The following CBX2 variants were observed in gnomAD, a reference collection of about 807,000 sequenced individuals.
CBX2 encodes chromobox protein homolog 2.
A neutral mutation model predicts 21.0 loss-of-function variants in CBX2; 11 were observed. The ratio of observed to expected loss-of-function variants is 0.52; its 90% confidence interval spans 0.33 to 0.87. CBX2 has a LOEUF of 0.87. Among genes scored for constraint, CBX2 ranks in the 40% least tolerant of loss-of-function variants. The probability of loss-of-function intolerance (pLI) is 0.02; values close to 1 mark genes in which losing one functional copy is unlikely to be tolerated. For missense variants in CBX2, 746 were observed against 724.3 expected (o/e 1.03, Z -0.34); for synonymous variants, 364 against 304.6 (o/e 1.19, Z -2.03).
rs1239718452 is a variant in CBX2, at chr17:79,787,339, CT to C, written c.*2298del. ...CCAGATTCCTCCCCAGCAGCCGGGT[CT>C]CTCCAGACCCTGATTCGGTGCCTTT... On this transcript the variant is annotated 3_prime_UTR_variant, in exon 5 of 5. Coordinates refer to ENST00000310942, the MANE Select transcript of CBX2 (RefSeq NM_005189.3). 1 of 152,700 alleles carries C rather than the reference CT, an allele frequency of 6.5e-6. No individual in the cohort carries two copies. Among genetic ancestry groups the C allele is most frequent in the Non-Finnish European group, 1.5e-5 (1 of 68,062 alleles). The allele number at this position is 152,700 out of a possible 1,614,324, so 9.5% of individuals were successfully genotyped here.
rs151114184 is a variant in CBX2, at chr17:79,783,853, G to A, written c.410G>A (p.Arg137His). The A allele has an allele frequency of 5.0e-6, 8 of 1,613,570 alleles. No homozygotes were observed. The highest frequency in any genetic ancestry group is 3.3e-5 in the South Asian group (3 of 91,054). ...DLDAKRGPRG[R>H]ETHPVPQKKA... ...GATGCTAAGAGGGGTCCCCGGGGCC[G>A]CGAGACCCACCCAGTGCCGCAGAAG... Residue 137 changes from arginine to histidine, a missense_variant, in exon 5 of 5, where the codon CGC becomes CAC. Transcript: ENST00000310942.
At position 79,787,831 on chromosome 17, in the gene CBX2, C is replaced by G. The variant is rs933722661; in HGVS notation, c.*2789C>G. The G allele has an allele frequency of 2.6e-5, 4 of 152,094 alleles. No individual in the cohort carries two copies. The highest frequency in any genetic ancestry group is 6.6e-5 in the Admixed American group (1 of 15,260). The allele number at this position is 152,094 out of a possible 1,614,324, so 9.4% of individuals were successfully genotyped here. A position where few individuals can be genotyped will look rare whatever the true frequency, so the allele number is the denominator to read the frequency against. On this transcript the variant is annotated 3_prime_UTR_variant, in exon 5 of 5. Transcript: ENST00000310942. ...GAGTGTTCCTTGTTTTGGTTACACTCGAAATTCTGACCTAGCTGGAGAGGG... is the reference window on the plus strand; with the variant it reads ...GAGTGTTCCTTGTTTTGGTTACACTGGAAATTCTGACCTAGCTGGAGAGGG...
chr17:79,782,694 G>A (rs557234286), intron 4 of CBX2, among the ~76,000 whole-genome samples: 14 of 152,304 alleles, frequency 9.2e-5, no homozygotes, highest in South Asian at 8.3e-4. Flanking sequence ...GATTGTGGGG[G>A]CTGCAGGAGT....
In CBX2 at chr17:79,785,071, T is replaced by TA. The variant is rs1706771840; in HGVS notation, c.*30dup. 12 of 1,566,026 alleles carry TA rather than the reference T, an allele frequency of 7.7e-6. No homozygotes were observed. Among genetic ancestry groups the TA allele is most frequent in the Middle Eastern group, 1.7e-4 (1 of 5,978 alleles). On this transcript the variant is annotated 3_prime_UTR_variant, in exon 5 of 5. Transcript: ENST00000310942. Reference sequence around the variant, plus strand: ...CCCGGCGCCACCAGCTGCGCGGTCTTACTCCCCTTCCCTGCCTATGGTGTC... The same window carrying TA: ...CCCGGCGCCACCAGCTGCGCGGTCTTAACTCCCCTTCCCTGCCTATGGTGTC...
At chr17:79,779,262 C>T in intron 2 of CBX2, 100 bp from the exon 3 acceptor site, 1 of 1,164,464 alleles carries the variant, frequency 8.6e-7, no homozygotes, top group Non-Finnish European at 1.3e-6. Context: ...CTGCCATCGG[C>T]CCAAGTCGAG....
chr17:79,778,231 G>A lies in CBX2; in HGVS notation c.-5G>A, dbSNP rs1906879204. The A allele has an allele frequency of 2.1e-6, 3 of 1,426,102 alleles. No homozygotes were observed. Among genetic ancestry groups the A allele is most frequent in the East Asian group, 6.2e-5 (2 of 32,026 alleles). The allele number at this position is 1,426,102 out of a possible 1,614,324, so 88.3% of individuals were successfully genotyped here. ...GCGCCGCGGTCGGGCTGGCTGCCGGGCAGCATGGAGGAGCTGAGCAGCGTG... is the reference window on the plus strand; with the variant it reads ...GCGCCGCGGTCGGGCTGGCTGCCGGACAGCATGGAGGAGCTGAGCAGCGTG... On this transcript the variant is annotated 5_prime_UTR_variant, in exon 1 of 5. Transcript: ENST00000310942. The surrounding 1 kb of genome is among the most constrained non-coding windows in gnomAD (Gnocchi z 4.8).
intron 4 of CBX2, chr17:79,782,512 C>T (rs1907306425): frequency 8.5e-7 from 1 of 1,174,730 alleles, no homozygotes; most frequent in South Asian, 1.9e-5. Context: ...CTTTGATTCC[C>T]TCCTCCGGGC....
intron 2 of CBX2, among the ~76,000 whole-genome samples, chr17:79,779,093 C>G (rs1477046869): frequency 6.6e-6 from 1 of 152,222 alleles, no homozygotes; most frequent in Non-Finnish European, 1.5e-5. Flanking sequence ...TTCTCCCAGG[C>G]AGAGACTGTG....
intron 4 of CBX2, among the ~76,000 whole-genome samples, chr17:79,782,918 C>G (rs1273414935): frequency 6.6e-6 from 1 of 152,132 alleles, no homozygotes; most frequent in African/African-American, 2.4e-5. Flanking sequence ...GCGGTGACAT[C>G]CAGAAGGCGA....
At chr17:79,780,315 C>T (rs945872090) in intron 3 of CBX2, among the ~76,000 whole-genome samples, 1 of 152,186 alleles carries the variant, frequency 6.6e-6, no homozygotes, top group African/African-American at 2.4e-5. Context: ...CCCTTTTTTC[C>T]ACTGTAGCGG....
At chr17:79,781,882 G>A (rs1568500581) in intron 4 of CBX2, 81 bp downstream of exon 4, 1 of 1,614,182 alleles carries the variant, frequency 6.2e-7, no homozygotes, top group Non-Finnish European at 8.5e-7. Flanking sequence ...AGGGTTTGGG[G>A]CCCTCAGGAA....
In CBX2 at chr17:79,783,980, C is replaced by T. The variant is rs782641563; in HGVS notation, c.537C>T (p.Pro179=). The T allele has an allele frequency of 9.3e-6, 15 of 1,613,598 alleles. No homozygotes were observed. Among genetic ancestry groups the T allele is most frequent in the South Asian group, 2.2e-5 (2 of 91,096 alleles). ...LPPEQKATRR[P]VSLAKVLKTA... is the part of the protein sequence containing the mutation. Reference sequence around the variant, plus strand: ...CAGAGCAAAAGGCAACCCGAAGACCCGTGAGCCTGGCCAAGGTGCTGAAGA... The same window carrying T: ...CAGAGCAAAAGGCAACCCGAAGACCTGTGAGCCTGGCCAAGGTGCTGAAGA... The change falls in exon 5 of 5, where the codon CCC becomes CCT. Residue 179 remains proline (P), a synonymous_variant. Coordinates refer to ENST00000310942, the MANE Select transcript of CBX2 (RefSeq NM_005189.3).
rs143009320 is a variant in CBX2, at chr17:79,782,236, C to T, written c.288+435C>T. 112 of 1,588,412 alleles carry T rather than the reference C, an allele frequency of 7.1e-5. 1 individual carries two copies. The East Asian group carries it at 1.4e-3, about 20-fold the overall frequency. ...GCCCACCTGCGGGTGCACCTTAAATCGAGGTGGCCACGAAAGGCAGGGCTG... is the reference window on the plus strand; with the variant it reads ...GCCCACCTGCGGGTGCACCTTAAATTGAGGTGGCCACGAAAGGCAGGGCTG... On this transcript the variant is annotated intron_variant, in intron 4 of 4. Transcript: ENST00000310942.
At chr17:79,777,643 G>C (rs1555829165), upstream of CBX2, among the ~76,000 whole-genome samples, 1 of 151,678 alleles carries the variant, frequency 6.6e-6, no homozygotes, top group African/African-American at 2.4e-5. Flanking sequence ...AAAACAGAGC[G>C]ACTCCCCCGC....
upstream of CBX2, among the ~76,000 whole-genome samples, chr17:79,777,674 A>C (rs1413778084): frequency 6.6e-6 from 1 of 151,766 alleles, no homozygotes; most frequent in Non-Finnish European, 1.5e-5. Context: ...AAGCCAGTTC[A>C]AGAAGCCGGG....
chr17:79,781,355 C>G (rs1276916992), intron 3 of CBX2, among the ~76,000 whole-genome samples: 1 of 152,102 alleles, frequency 6.6e-6, no homozygotes, highest in South Asian at 2.1e-4. Flanking sequence ...CGTGTGGCCA[C>G]CGAGGCCACT....
In CBX2 at chr17:79,779,404, G is replaced by A. The variant is rs557052010; in HGVS notation, c.159G>A (p.Arg53=). The stretch of plus-strand genomic sequence containing the variant: ...CGGAGGAGAACATCCTGGACCCGAG[G>A]CTGCTCCTGGCCTTCCAGAAGAAGT... The part of the protein sequence containing the change: ...WEPEENILDP[R]LLLAFQKKEH... Residue 53 remains arginine, a synonymous_variant, in exon 3 of 5, where the codon AGG becomes AGA. Coordinates refer to ENST00000310942, the MANE Select transcript of CBX2 (RefSeq NM_005189.3). The A allele has an allele frequency of 2.5e-5, 41 of 1,613,806 alleles. No individual in the cohort carries two copies. The highest frequency in any genetic ancestry group is 3.3e-5 in the Non-Finnish European group (39 of 1,179,980).
intron 4 of CBX2, 194 bp downstream of exon 4, chr17:79,781,995 A>C: frequency 6.2e-7 from 1 of 1,614,092 alleles, no homozygotes; most frequent in Non-Finnish European, 8.5e-7. Flanking sequence ...CAGCCGGCTG[A>C]GAGTTCCTCC....
intron 3 of CBX2, among the ~76,000 whole-genome samples, chr17:79,780,604 G>T (rs1051973817): frequency 1.3e-5 from 2 of 152,134 alleles, no homozygotes; most frequent in African/African-American, 4.8e-5. Context: ...CCTGAGATAA[G>T]AAGAGTGTAA....
Sources: allele counts gnomAD v4.1 joint callset (sites outside exome capture counted in the v4.1 genomes callset), GRCh38; gene constraint gnomAD v4.1.1; non-coding constraint Gnocchi (gnomAD v3.1); transcripts MANE v1.5; gene names NCBI Gene and HGNC (gene_info 2026-07-23, HGNC 2026-07-21).